SHANK2: variants seen among roughly 807,000 people sequenced by gnomAD.
The protein encoded by SHANK2 is SH3 and multiple ankyrin repeat domains protein 2.
SHANK2 carries 43 observed loss-of-function variants against 133.7 expected under a neutral mutation model. That is an observed-to-expected ratio of 0.32 (90% CI 0.25 to 0.41). The LOEUF (loss-of-function observed/expected upper bound fraction) is 0.41, where lower values mean the gene tolerates loss of function less well. Among genes scored for constraint, SHANK2 ranks in the 10% least tolerant of loss-of-function variants. The pLI, the probability that SHANK2 is intolerant of heterozygous loss-of-function variation, is 1.00. For missense variants in SHANK2, 1,994 were observed against 2,235.8 expected (o/e 0.89, Z 2.18); for synonymous variants, 1,017 against 952.8 (o/e 1.07, Z -1.24).
rs782125184 is a variant in SHANK2, at chr11:70,551,527, C to T, written c.2062-48596G>A. 4.6e-5 allele frequency among the ~76,000 whole-genome samples: 7 copies of T among 152,214 alleles called. No homozygotes were observed. In the East Asian group the frequency reaches 5.8e-4, roughly 13 times the overall value. On this transcript the variant is annotated intron_variant, in intron 17 of 25. Transcript: ENST00000601538. ...TATCTACCCCCGGCCTCGGCAGCCC[C>T]GGTGTGATGCTTGCCATGGCCTGCA... is the stretch of plus-strand genomic sequence containing the variant.
chr11:70,794,702 C>T (rs1408047653), intron 14 of SHANK2, among the ~76,000 whole-genome samples: 4 of 152,114 alleles, frequency 2.6e-5, no homozygotes. Flanking sequence ...GGATTACAGG[C>T]ATCACCATCA....
At chr11:70,605,672 G>T (rs1464340012) in intron 17 of SHANK2, among the ~76,000 whole-genome samples, 1 of 152,236 alleles carries the variant, frequency 6.6e-6, no homozygotes, top group African/African-American at 2.4e-5. Flanking sequence ...GGCGGAGGGG[G>T]ACGAGGAACG....
At chr11:70,646,850 T>C (rs1337989103) in intron 17 of SHANK2, among the ~76,000 whole-genome samples, 2 of 150,544 alleles carry the variant, frequency 1.3e-5, no homozygotes, top group African/African-American at 4.9e-5. Context: ...TATTTATTTA[T>C]TTATTTATTT....
At chr11:70,678,792 C>T (rs1272865849) in intron 15 of SHANK2, among the ~76,000 whole-genome samples, 2 of 152,128 alleles carry the variant, frequency 1.3e-5, no homozygotes, top group South Asian at 2.1e-4. Flanking sequence ...CCGCCCGCCT[C>T]GGCCTCCTGA....
chr11:70,767,619 G>C (rs1947149979), intron 14 of SHANK2, among the ~76,000 whole-genome samples: 1 of 152,128 alleles, frequency 6.6e-6, no homozygotes, highest in South Asian at 2.1e-4. Flanking sequence ...GGCCATGCTG[G>C]AGGATTTCAT....
intron 2 of SHANK2, among the ~76,000 whole-genome samples, chr11:71,181,565 T>C (rs1308653151): frequency 6.6e-6 from 1 of 151,962 alleles, no homozygotes; most frequent in African/African-American, 2.4e-5. Context: ...ACAACCCCAG[T>C]GTCAAAGAAA....
intron 2 of SHANK2, among the ~76,000 whole-genome samples, chr11:71,164,738 G>A (rs1555110494): frequency 1.3e-5 from 2 of 152,158 alleles, no homozygotes; most frequent in East Asian, 3.8e-4. Context: ...CAAATCAAGG[G>A]TAAGAACTCT....
intron 15 of SHANK2, among the ~76,000 whole-genome samples, chr11:70,666,655 A>G (rs553656791): frequency 2.0e-5 from 3 of 152,262 alleles, no homozygotes; most frequent in African/African-American, 7.2e-5. Flanking sequence ...GATGAGATGC[A>G]CTGCAATCCA....
At chr11:71,126,503 G>A (rs1389087104) in intron 3 of SHANK2, among the ~76,000 whole-genome samples, 4 of 152,124 alleles carry the variant, frequency 2.6e-5, no homozygotes, top group Non-Finnish European at 4.4e-5. Context: ...CATGGATTAA[G>A]GATTAATTTC....
intron 25 of SHANK2, among the ~76,000 whole-genome samples, chr11:70,484,766 G>C (rs782677969): frequency 3.3e-5 from 5 of 152,206 alleles, no homozygotes; most frequent in Non-Finnish European, 5.9e-5. Context: ...TGGCAGGGAA[G>C]AATGTACTGC....
At chr11:70,598,818 G>A (rs1034898211) in intron 17 of SHANK2, among the ~76,000 whole-genome samples, 8 of 151,424 alleles carry the variant, frequency 5.3e-5, no homozygotes, top group Non-Finnish European at 1.2e-4. Flanking sequence ...ATTTTTGCAA[G>A]TGATACAAAA....
At chr11:71,153,215 G>A (rs1952830790) in intron 2 of SHANK2, among the ~76,000 whole-genome samples, 1 of 151,078 alleles carries the variant, frequency 6.6e-6, no homozygotes, top group Non-Finnish European at 1.5e-5. Context: ...GGAAAAGCCA[G>A]TGCCAGATCA....
At chr11:71,205,423 C>G (rs1346832907) in intron 2 of SHANK2, among the ~76,000 whole-genome samples, 2 of 152,146 alleles carry the variant, frequency 1.3e-5, no homozygotes, top group African/African-American at 2.4e-5. Flanking sequence ...GGCGCTCCTG[C>G]GAGAACCTCC....
intron 14 of SHANK2, among the ~76,000 whole-genome samples, chr11:70,773,055 C>T (rs1947287326): frequency 6.6e-6 from 1 of 152,194 alleles, no homozygotes. Flanking sequence ...CCAGTCTCCG[C>T]CCATCCCCAG....
At chr11:70,769,802 C>T (rs566068150) in intron 14 of SHANK2, among the ~76,000 whole-genome samples, 330 of 150,164 alleles carry the variant, frequency 2.2e-3, no homozygotes, top group Non-Finnish European at 3.8e-3. Flanking sequence ...CAGGCATGCA[C>T]GTATGTGCAC....
At chr11:70,869,965 G>A (rs1008837185) in intron 11 of SHANK2, among the ~76,000 whole-genome samples, 8 of 152,104 alleles carry the variant, frequency 5.3e-5, no homozygotes, top group African/African-American at 1.9e-4. Context: ...CCACAAGAGT[G>A]TCCCCCCAAA....
At chr11:70,857,831 G>A (rs1215944338) in intron 11 of SHANK2, among the ~76,000 whole-genome samples, 1 of 152,164 alleles carries the variant, frequency 6.6e-6, no homozygotes, top group Non-Finnish European at 1.5e-5. Context: ...TCACAGCGAT[G>A]GGGCACTTCC....
rs926112939 is a variant in SHANK2 at position 70,700,892 on chromosome 11, T to C, written c.1778-2129A>G. 2.6e-5 allele frequency among the ~76,000 whole-genome samples: 4 copies of C among 152,244 alleles called. No individual in the cohort carries two copies. In the East Asian group the frequency reaches 7.7e-4, roughly 29 times the overall value. On this transcript the variant is annotated intron_variant, in intron 14 of 25. Transcript: ENST00000601538. ...TCCCTGTGACATTTATGTTGGGCCATGCATGTGCAGGGACAAGTGAGACTT... is the reference window on the plus strand; with the variant it reads ...TCCCTGTGACATTTATGTTGGGCCACGCATGTGCAGGGACAAGTGAGACTT...
intron 14 of SHANK2, among the ~76,000 whole-genome samples, chr11:70,723,726 C>A (rs915011823): frequency 6.6e-6 from 1 of 152,158 alleles, no homozygotes; most frequent in Non-Finnish European, 1.5e-5. Context: ...TGCCATATAG[C>A]CTTACTTGGT....
Sources: gnomAD v4.1 joint callset for allele counts (sites outside exome capture counted in the v4.1 genomes callset) on GRCh38, gnomAD v4.1.1 for gene constraint, MANE v1.5 for transcripts, NCBI Gene and HGNC (gene_info 2026-07-23, HGNC 2026-07-21) for gene names.